The following CUL4A variants were observed in gnomAD, a reference collection of about 807,000 sequenced individuals.
The protein encoded by CUL4A is cullin 4A, also known as cullin-4A.
Under a neutral mutation model 95.5 loss-of-function variants are expected in CUL4A, and 16 were observed. The ratio of observed to expected loss-of-function variants is 0.17; its 90% CI spans 0.11 to 0.25. The LOEUF (loss-of-function observed/expected upper bound fraction) is 0.25. CUL4A is among the 10% of genes least tolerant of loss of function. The pLI is 1.00. For missense variants in CUL4A, 610 were observed against 937.0 expected, an observed-to-expected ratio of 0.65 and a Z score of 4.56; for synonymous variants, 380 against 353.1, an observed-to-expected ratio of 1.08 and a Z score of -0.85.
chr13:113,259,038 A>G (rs571057394), intron 18 of CUL4A, among the ~76,000 whole-genome samples: 1 of 152,354 alleles, frequency 6.6e-6, no homozygotes, highest in South Asian at 2.1e-4. Context: ...GGTTTTTATC[A>G]GAATGTATGT....
intron 18 of CUL4A, among the ~76,000 whole-genome samples, chr13:113,256,630 A>G (rs1433876801): frequency 6.6e-6 from 1 of 152,250 alleles, no homozygotes; most frequent in South Asian, 2.1e-4. Context: ...TCTACCACTC[A>G]GTAGTTTATA....
intron 3 of CUL4A, 155 bp downstream of exon 3, chr13:113,219,203 A>G (rs2139111531): frequency 2.0e-6 from 1 of 504,668 alleles, no homozygotes; most frequent in Non-Finnish European, 3.5e-6. Context: ...GAAATTTACC[A>G]TTTAAATTAT....
chr13:113,236,189 A>G (rs891505318), intron 8 of CUL4A, among the ~76,000 whole-genome samples: 1 of 152,160 alleles, frequency 6.6e-6, no homozygotes, highest in Non-Finnish European at 1.5e-5. Context: ...GTGCAGAAAA[A>G]GAGATTTGGT....
intron 11 of CUL4A, among the ~76,000 whole-genome samples, chr13:113,243,440 T>A (rs1595404514): frequency 6.6e-6 from 1 of 152,126 alleles, no homozygotes; most frequent in African/African-American, 2.4e-5. Flanking sequence ...GGAGGGGTGA[T>A]CACCATCTTT....
intron 18 of CUL4A, among the ~76,000 whole-genome samples, chr13:113,256,612 A>G (rs3861723): frequency 0.23 from 34,787 of 152,044 alleles, 5,041 homozygotes; most frequent in East Asian, 0.55. Context: ...GATTCTTTAC[A>G]GCATCTTTCT....
chr13:113,241,389 A>G (rs1391531166), intron 10 of CUL4A, among the ~76,000 whole-genome samples: 2 of 152,046 alleles, frequency 1.3e-5, no homozygotes, highest in East Asian at 3.9e-4. Context: ...CTTGTAGTGT[A>G]TGTGCATTAT....
At chr13:113,235,473 A>G (rs1317920478) in intron 8 of CUL4A, among the ~76,000 whole-genome samples, 7 of 152,156 alleles carry the variant, frequency 4.6e-5, no homozygotes, top group Non-Finnish European at 4.4e-5. Context: ...TACACATTTT[A>G]TATCGCTTTA....
chr13:113,229,772 A>G, intron 5 of CUL4A: 1 of 501,852 alleles, frequency 2.0e-6, no homozygotes, highest in Non-Finnish European at 3.5e-6. Flanking sequence ...GGGTGAAGAC[A>G]GAGGGTCTTG....
chr13:113,238,720 C>T (rs2041620054), intron 9 of CUL4A, among the ~76,000 whole-genome samples: 1 of 152,090 alleles, frequency 6.6e-6, no homozygotes, highest in South Asian at 2.1e-4. Context: ...ATTATAGCCC[C>T]ACCATGTGTT....
chr13:113,243,822 G>C (rs981639461), intron 11 of CUL4A, among the ~76,000 whole-genome samples: 3 of 152,194 alleles, frequency 2.0e-5, no homozygotes, highest in Admixed American at 1.3e-4. Flanking sequence ...TTGTTCCTCT[G>C]TATCATTTGT....
intron 3 of CUL4A, among the ~76,000 whole-genome samples, chr13:113,225,486 G>A (rs2041067136): frequency 6.6e-6 from 1 of 152,184 alleles, no homozygotes; most frequent in African/African-American, 2.4e-5. Context: ...CTCATTTAAT[G>A]AACACTTTAC....
chr13:113,212,981 C>T (rs2040506511), intron 2 of CUL4A, among the ~76,000 whole-genome samples: 2 of 152,140 alleles, frequency 1.3e-5, no homozygotes, highest in Admixed American at 1.3e-4. Flanking sequence ...TTCTTGGTCC[C>T]TTGTGTTTCC....
At chr13:113,219,286 A>G (rs1037566880) in intron 3 of CUL4A, 2 of 405,748 alleles carry the variant, frequency 4.9e-6, no homozygotes. Flanking sequence ...AAATGTTCTG[A>G]AAAATGTCTT....
chr13:113,209,656 G>A lies in CUL4A; in HGVS notation c.29G>A (p.Ser10Asn). 1 of 1,125,074 alleles carries A rather than the reference G, an allele frequency of 8.9e-7. No individual in the cohort carries two copies. The highest frequency in any genetic ancestry group is 1.1e-6 in the Non-Finnish European group (1 of 920,806). 69.7% of individuals were successfully genotyped at this position (1,125,074 alleles called of 1,614,324 possible). A position where few individuals can be genotyped will look rare whatever the true frequency, so the allele number is the denominator to read the frequency against. ...GCGGACGAGGCCCCGCGGAAGGGCA[G>A]CTTCTCGGCGCTCGTGGGCCGCACC... The part of the protein sequence containing the change: MADEAPRKG[S>N]FSALVGRTNG... Residue 10 changes from serine to asparagine, a missense_variant, in exon 1 of 20, where the codon AGC becomes AAC. Ser to Asn is a conservative substitution (Grantham distance 46, BLOSUM62 1). This residue lies in a region of CUL4A where 168 missense variants were observed against 185.5 expected (regional missense o/e 0.91). Transcript: ENST00000375440.
intron 18 of CUL4A, among the ~76,000 whole-genome samples, chr13:113,257,444 A>G (rs1005729456): frequency 6.6e-6 from 1 of 152,222 alleles, no homozygotes; most frequent in Non-Finnish European, 1.5e-5. Flanking sequence ...TGCAGGCTGT[A>G]CAGGAAGCAT....
chr13:113,228,711 G>A (rs555824035), intron 4 of CUL4A, among the ~76,000 whole-genome samples: 32 of 152,068 alleles, frequency 2.1e-4, no homozygotes, highest in African/African-American at 7.2e-4. Context: ...CACTCTGCTC[G>A]CAACGCAGAG....
At chr13:113,219,238 AC>A (rs1396875126) in intron 3 of CUL4A, 190 bp downstream of exon 3, 2 of 485,728 alleles carry the variant, frequency 4.1e-6, no homozygotes, top group African/African-American at 4.0e-5. Flanking sequence ...TTAAAGGGAA[AC>A]CGTGTTCATT....
chr13:113,244,373 C>T (rs759028257), intron 11 of CUL4A, 37 bp from the exon 12 acceptor site: 3 of 1,448,158 alleles, frequency 2.1e-6, no homozygotes, highest in African/African-American at 1.4e-5. Flanking sequence ...CTCTCTTTTT[C>T]TAGTTTAGAG....
chr13:113,261,796 T>G (rs79376123), intron 19 of CUL4A, among the ~76,000 whole-genome samples: 1 of 151,872 alleles, frequency 6.6e-6, no homozygotes, highest in African/African-American at 2.4e-5. Flanking sequence ...GTTTTTTTTT[T>G]CTTTGAGATG....
Sources: gnomAD v4.1 joint callset for allele counts (sites outside exome capture counted in the v4.1 genomes callset) on GRCh38, gnomAD v4.1.1 for gene constraint, gnomAD v4.1.1 regional missense constraint, MANE v1.5 for transcripts, NCBI Gene and HGNC (gene_info 2026-07-23, HGNC 2026-07-21) for gene names.